Variants in RARS1 observed in about 807,000 individuals in gnomAD.
The protein encoded by RARS1 is arginyl-tRNA synthetase 1.
RARS1 carries 75 observed loss-of-function variants against 78.7 expected under a neutral mutation model. The ratio of observed to expected loss-of-function variants is 0.95; its 90% confidence interval spans 0.79 to 1.15. The LOEUF (loss-of-function observed/expected upper bound fraction) is 1.15, where lower values mean the gene tolerates loss of function less well. Ranked by LOEUF, RARS1 falls within the 50% of genes most tolerant of loss-of-function variation. The probability of loss-of-function intolerance (pLI) is 0.00; values close to 1 mark genes in which losing one functional copy is unlikely to be tolerated. For synonymous variants in RARS1, 273 were observed against 268.2 expected (o/e 1.02, Z -0.18); for missense variants, 787 against 787.5 (o/e 1.00, Z 0.01).
intron 12 of RARS1, among the ~76,000 whole-genome samples, chr5:168,511,949 C>T (rs928984868): frequency 1.3e-5 from 2 of 152,134 alleles, no homozygotes; most frequent in African/African-American, 2.4e-5. Context: ...CACCGCATCT[C>T]GACCTCCTGG....
At chr5:168,501,915 A>C (rs1758332950) in intron 8 of RARS1, 86 bp from the exon 9 acceptor site, 1 of 1,491,800 alleles carries the variant, frequency 6.7e-7, no homozygotes, top group African/African-American at 1.4e-5. Flanking sequence ...TGTATTAATA[A>C]ATTTATTTCA....
In RARS1 at chr5:168,497,233, A is replaced by G. The variant is rs1758213722; in HGVS notation, c.707A>G (p.Asn236Ser). ...EFAGYDVLRLNHVGDWGTQFG... is the reference protein window; with the variant it reads ...EFAGYDVLRLSHVGDWGTQFG... ...TATTCTCTGATTGGTGTTAGGTTAA[A>G]TCATGTAGGAGACTGGGGGACCCAG... The change falls in exon 7 of 15, where the codon AAT (asparagine) becomes AGT (serine). Residue 236 changes from asparagine (N) to serine (S), a missense_variant. Transcript: ENST00000231572. 1 of 1,541,548 alleles carries G rather than the reference A, an allele frequency of 6.5e-7. No individual in the cohort carries two copies. The highest frequency in any genetic ancestry group is 8.7e-7 in the Non-Finnish European group (1 of 1,144,016).
intron 10 of RARS1, 35 bp from the exon 11 acceptor site, chr5:168,506,683 TAAAG>T: frequency 6.8e-7 from 1 of 1,463,028 alleles, no homozygotes; most frequent in Admixed American, 2.0e-5. Flanking sequence ...TTTTTTTCTT[TAAAG>T]AAGACTAGCA....
At chr5:168,505,714 G>GAAAAAAA (rs60743864) in intron 9 of RARS1, among the ~76,000 whole-genome samples, 7 of 114,240 alleles carry the variant, frequency 6.1e-5, no homozygotes, top group African/African-American at 9.9e-5. Flanking sequence ...TATCAAAAAA[G>GAAAAAAA]AAAAAAAAAA....
rs193466 is a variant in RARS1, at chr5:168,486,598, C to T, written c.45+55C>T. The stretch of plus-strand genomic sequence containing the variant: ...CTGAAAGAGATGGAGCAGGCTCTGA[C>T]TCCTGCCCAAGCGGCTTCGGGGGCG... On this transcript the variant is annotated intron_variant, in intron 1 of 14. Transcript: ENST00000231572. 612,521 of 1,540,754 alleles carry T rather than the reference C, an allele frequency of 0.4. 129,191 individuals are homozygous for T. Among genetic ancestry groups the T allele is most frequent in the East Asian group, 0.71 (29,094 of 40,860 alleles).
At chr5:168,508,099 A>C (rs1349905475) in intron 11 of RARS1, among the ~76,000 whole-genome samples, 1 of 152,186 alleles carries the variant, frequency 6.6e-6, no homozygotes, top group Non-Finnish European at 1.5e-5. Flanking sequence ...TTTTAAAACA[A>C]ACCAGTAAGT....
chr5:168,507,028 G>A (rs2152905416), intron 11 of RARS1, among the ~76,000 whole-genome samples, 197 bp downstream of exon 11: 1 of 152,318 alleles, frequency 6.6e-6, no homozygotes, highest in East Asian at 1.9e-4. Context: ...TAGATAGTAT[G>A]TACAAAGTTT....
At chr5:168,509,081 T>G (rs1758510350) in intron 11 of RARS1, among the ~76,000 whole-genome samples, 1 of 152,082 alleles carries the variant, frequency 6.6e-6, no homozygotes. Flanking sequence ...AAACAAAAAT[T>G]CATGGCAGGC....
chr5:168,506,616 T>C (rs570129019), intron 10 of RARS1, 106 bp from the exon 11 acceptor site: 98 of 800,464 alleles, frequency 1.2e-4, no homozygotes, highest in Non-Finnish European at 1.9e-4. Context: ...TCACAAGATT[T>C]ATGAGCGATT....
At chr5:168,488,291 C>G (rs1044875146) in intron 1 of RARS1, 4 of 333,880 alleles carry the variant, frequency 1.2e-5, no homozygotes, top group Non-Finnish European at 2.3e-5. Context: ...CCATGCCTAG[C>G]TAATTTTTGT....
chr5:168,495,410 T>C lies in RARS1; in HGVS notation c.675T>C (p.Phe225=), dbSNP rs746469280. 4 of 1,613,810 alleles carry C rather than the reference T, an allele frequency of 2.5e-6. No individual in the cohort carries two copies. In the Admixed American group the frequency reaches 6.7e-5, roughly 27 times the overall value. The change falls in exon 6 of 15, where the codon TTT becomes TTC. Residue 225 remains phenylalanine, a synonymous_variant. Transcript: ENST00000231572. ...TIIGESISRL[F]EFAGYDVLRL... The stretch of plus-strand genomic sequence containing the variant: ...TAGGAGAGAGTATAAGCCGCCTCTT[T>C]GAATTTGCAGGGTATGACGTGCTCA...
At position 168,505,826 on chromosome 5, in the gene RARS1, C is replaced by G. The variant is rs141982682; in HGVS notation, c.1058-195C>G. On this transcript the variant is annotated intron_variant, in intron 9 of 14. Coordinates refer to ENST00000231572, the MANE Select transcript of RARS1 (RefSeq NM_002887.4). ...ATAGCACCCTGAGTATCCAGGCAACCTTGATGGTTAACATTTTCCAAGGTT... is the reference window on the plus strand; with the variant it reads ...ATAGCACCCTGAGTATCCAGGCAACGTTGATGGTTAACATTTTCCAAGGTT... 1.4e-3 allele frequency among the ~76,000 whole-genome samples: 208 copies of G among 151,730 alleles called. 1 individual carries two copies. The highest frequency in any genetic ancestry group is 7.0e-3 in the Middle Eastern group (2 of 286).
At chr5:168,500,554 T>G (rs757129603) in intron 7 of RARS1, 37 bp from the exon 8 acceptor site, 418 of 1,411,738 alleles carry the variant, frequency 3.0e-4, no homozygotes, top group Non-Finnish European at 3.5e-4. Context: ...TTAGATCTTT[T>G]TACACACCTT....
chr5:168,509,842 G>A (rs1008259715), intron 11 of RARS1, among the ~76,000 whole-genome samples: 5 of 151,856 alleles, frequency 3.3e-5, no homozygotes, highest in African/African-American at 4.8e-5. Flanking sequence ...ATGGTGGCTC[G>A]CACCTATAGA....
At chr5:168,518,107 CG>C (rs1303419072) in intron 14 of RARS1, 45 bp downstream of exon 14, 1 of 1,232,386 alleles carries the variant, frequency 8.1e-7, no homozygotes, top group Non-Finnish European at 1.0e-6. Context: ...GTGAGAGACA[CG>C]GATCTTGCTC....
chr5:168,486,671 C>G (rs2152902941), intron 1 of RARS1, 128 bp downstream of exon 1: 8 of 975,552 alleles, frequency 8.2e-6, no homozygotes, highest in Non-Finnish European at 1.2e-5. Flanking sequence ...TGGAGCGGCA[C>G]GGTCCCTGTG....
intron 12 of RARS1, among the ~76,000 whole-genome samples, chr5:168,515,627 TA>T (rs1409750386): frequency 1.3e-5 from 2 of 152,346 alleles, no homozygotes; most frequent in Non-Finnish European, 2.9e-5. Flanking sequence ...ACCCTGTTTG[TA>T]TTGGCCTTAT....
In RARS1 at chr5:168,500,577, A is replaced by T; in HGVS notation, c.823-14A>T. On this transcript the variant is annotated splice_polypyrimidine_tract_variant and intron_variant, in intron 7 of 14. Coordinates refer to ENST00000231572, the MANE Select transcript of RARS1 (RefSeq NM_002887.4). Reference sequence around the variant, plus strand: ...TTTTACACACCTTACTTTTTAAAATATATATATATACAGGAATCTAAGAAG... The same window carrying T: ...TTTTACACACCTTACTTTTTAAAATTTATATATATACAGGAATCTAAGAAG... 6.9e-7 allele frequency: 1 copy of T among 1,458,702 alleles called. No homozygotes were observed. The highest frequency in any genetic ancestry group is 9.0e-7 in the Non-Finnish European group (1 of 1,110,682). The allele number at this position is 1,458,702 out of a possible 1,614,324, so 90.4% of individuals were successfully genotyped here.
rs369463963 is a variant in RARS1 at position 168,505,644 on chromosome 5, C to T, written c.1058-377C>T. ...ATCCCAGTACTTGGGGAGGCCCAGA[C>T]AGGAGAATCACTTGAGCCCAGGAGT... On this transcript the variant is annotated intron_variant, in intron 9 of 14. Coordinates refer to ENST00000231572, the MANE Select transcript of RARS1 (RefSeq NM_002887.4). Among the ~76,000 whole-genome samples, 14 of 145,822 alleles carry T rather than the reference C, an allele frequency of 9.6e-5. No individual in the cohort carries two copies. The East Asian group carries it at 2.6e-3, about 27-fold the overall frequency.
Sources: gnomAD v4.1 joint callset for allele counts (sites outside exome capture counted in the v4.1 genomes callset) on GRCh38, gnomAD v4.1.1 for gene constraint, MANE v1.5 for transcripts, NCBI Gene and HGNC (gene_info 2026-07-23, HGNC 2026-07-21) for gene names.